Variants in IQGAP2 observed in about 807,000 individuals in gnomAD.
IQGAP2 encodes ras GTPase-activating-like protein IQGAP2.
In IQGAP2, 173 loss-of-function variants were observed where a neutral mutation model predicts 201.3. That is an observed-to-expected ratio of 0.86 (90% CI 0.76 to 0.98). The LOEUF (loss-of-function observed/expected upper bound fraction) is 0.98, where lower values mean the gene tolerates loss of function less well. Ranked by LOEUF, IQGAP2 falls within the 50% of genes least tolerant of loss-of-function variation. IQGAP2 has a pLI of 0.00. For synonymous variants in IQGAP2, 675 were observed against 673.9 expected (o/e 1.00, Z -0.03); for missense variants, 1,687 against 1,864.8 (o/e 0.90, Z 1.76).
At chr5:76,505,735 T>G (rs373243526) in intron 2 of IQGAP2, among the ~76,000 whole-genome samples, 3 of 152,186 alleles carry the variant, frequency 2.0e-5, no homozygotes, top group South Asian at 2.1e-4. Context: ...TTATTCAGTC[T>G]GCTTCAGCTC....
At chr5:76,436,960 A>G (rs1291351811) in intron 1 of IQGAP2, among the ~76,000 whole-genome samples, 1 of 152,010 alleles carries the variant, frequency 6.6e-6, no homozygotes, top group East Asian at 2.0e-4. Context: ...TATGTTAAAC[A>G]TACATTATAT....
chr5:76,645,010 C>A (rs531394600), intron 17 of IQGAP2, among the ~76,000 whole-genome samples: 11 of 152,254 alleles, frequency 7.2e-5, no homozygotes, highest in African/African-American at 2.6e-4. Context: ...GTTCCCCACC[C>A]CCTGACAAGC....
rs1172677175 is a variant in IQGAP2, at chr5:76,668,724, A to T, written c.2723A>T (p.Gln908Leu). ...GCTAAGCTGATTTTCCAGATGCCAC[A>T]GAACAAGTCCACTAAATTTATGGAT... ...YLAKLIFQMP[Q>L]NKSTKFMDTV... Residue 908 changes from glutamine to leucine, a missense_variant, in exon 23 of 36, where the codon CAG becomes CTG. Coordinates refer to ENST00000274364, the MANE Select transcript of IQGAP2 (RefSeq NM_006633.5). 1.2e-6 allele frequency: 2 copies of T among 1,612,446 alleles called. No homozygotes were observed. The highest frequency in any genetic ancestry group is 1.7e-6 in the Non-Finnish European group (2 of 1,179,300).
At position 76,701,177 on chromosome 5, in the gene IQGAP2, G is replaced by A; in HGVS notation, c.4469G>A (p.Gly1490Asp). The change falls in exon 34 of 36, where the codon GGT becomes GAT. Residue 1490 changes from glycine (G) to aspartate (D), a missense_variant. Transcript: ENST00000274364. Reference protein sequence around the residue: ...KYTAAKLHEKGVLLDIDDLQT... With the variant: ...KYTAAKLHEKDVLLDIDDLQT... ...ACTGCAGCAAAGCTGCATGAGAAAG[G>A]TGTCCTGCTAGATATAGATGATCTT... 1 of 1,614,208 alleles carries A rather than the reference G, an allele frequency of 6.2e-7. No individual in the cohort carries two copies. The highest frequency in any genetic ancestry group is 1.1e-5 in the South Asian group (1 of 91,086).
chr5:76,413,001 AC>A lies in IQGAP2; in HGVS notation c.46+9416del, dbSNP rs201254041. On this transcript the variant is annotated intron_variant, in intron 1 of 35. Transcript: ENST00000274364. ...AAAGGGCAGGGATGGTGATGGCAGA[AC>A]CCCCCTCATTACTGCTGCCCCTTGG... Among the ~76,000 whole-genome samples the A allele has an allele frequency of 6.9e-3, 1,047 of 151,574 alleles. 15 individuals carry two copies. The highest frequency in any genetic ancestry group is 0.024 in the African/African-American group (998 of 41,334).
At chr5:76,553,512 A>C (rs1743705489) in intron 2 of IQGAP2, among the ~76,000 whole-genome samples, 1 of 152,226 alleles carries the variant, frequency 6.6e-6, no homozygotes, top group African/African-American at 2.4e-5. Context: ...TCAGATAGCA[A>C]ATGCCTCCAC....
chr5:76,635,216 TG>T (rs1388322903), intron 15 of IQGAP2, among the ~76,000 whole-genome samples: 1 of 152,248 alleles, frequency 6.6e-6, no homozygotes, highest in African/African-American at 2.4e-5. Context: ...CTCCTAAACT[TG>T]CCTGCTTCTT....
intron 11 of IQGAP2, among the ~76,000 whole-genome samples, chr5:76,602,956 A>G (rs1747532342): frequency 6.6e-6 from 1 of 152,194 alleles, no homozygotes; most frequent in Non-Finnish European, 1.5e-5. Context: ...TCACAAAAGT[A>G]TTGTATGGGT....
In IQGAP2 at chr5:76,656,764, G is replaced by A. The variant is rs75404242; in HGVS notation, c.2321-1695G>A. The stretch of plus-strand genomic sequence containing the variant: ...AAAAGGTAAATAGAGAAACCATCTC[G>A]GTGAGTGAGTTAGATCTAAGCTTCT... On this transcript the variant is annotated intron_variant, in intron 20 of 35. Transcript: ENST00000274364. Among the ~76,000 whole-genome samples the A allele has an allele frequency of 8.2e-3, 1,241 of 151,704 alleles. 15 individuals are homozygous for A. The highest frequency in any genetic ancestry group is 0.028 in the African/African-American group (1,159 of 41,338).
chr5:76,641,180 CA>C, intron 17 of IQGAP2, 77 bp downstream of exon 17: 1 of 1,091,962 alleles, frequency 9.2e-7, no homozygotes, highest in Non-Finnish European at 1.3e-6. Context: ...ATAGAATAGT[CA>C]ACTACCAGCA....
chr5:76,553,317 A>C (rs1364318400), intron 2 of IQGAP2, among the ~76,000 whole-genome samples: 1 of 152,226 alleles, frequency 6.6e-6, no homozygotes, highest in Non-Finnish European at 1.5e-5. Flanking sequence ...TAAAATATTA[A>C]GGGAAAAATT....
intron 1 of IQGAP2, among the ~76,000 whole-genome samples, chr5:76,417,147 G>C (rs1751453912): frequency 6.6e-6 from 1 of 152,214 alleles, no homozygotes; most frequent in Admixed American, 6.5e-5. Context: ...TCAAGTGTGT[G>C]TGTGTGTCTA....
rs376582065 is a variant in IQGAP2 at position 76,474,049 on chromosome 5, C to T, written c.146+12380C>T. Among the ~76,000 whole-genome samples, 46 of 152,268 alleles carry T rather than the reference C, an allele frequency of 3.0e-4. 1 individual carries two copies. The South Asian group carries it at 9.1e-3, about 30-fold the overall frequency. Reference sequence around the variant, plus strand: ...TTTTAGGGTGATATAGAATGTAGAGCGATCTTCCATTGCCTTCTCAGTCTG... The same window carrying T: ...TTTTAGGGTGATATAGAATGTAGAGTGATCTTCCATTGCCTTCTCAGTCTG... On this transcript the variant is annotated intron_variant, in intron 2 of 35. Transcript: ENST00000274364.
chr5:76,605,632 T>C (rs1747751439), intron 11 of IQGAP2, among the ~76,000 whole-genome samples: 2 of 152,244 alleles, frequency 1.3e-5, no homozygotes, highest in South Asian at 4.1e-4. Context: ...TCAGCAAGGT[T>C]TCTGGAACTG....
At chr5:76,597,125 G>T in intron 9 of IQGAP2, 1 of 271,172 alleles carries the variant, frequency 3.7e-6, no homozygotes, top group Non-Finnish European at 7.1e-6. Flanking sequence ...CAATCTGAAG[G>T]CTTCAGGGAA....
intron 2 of IQGAP2, among the ~76,000 whole-genome samples, chr5:76,473,722 T>C (rs1175039497): frequency 6.6e-6 from 1 of 152,258 alleles, no homozygotes; most frequent in East Asian, 1.9e-4. Flanking sequence ...TGCATCTTTA[T>C]TCTTGGTTAG....
intron 2 of IQGAP2, among the ~76,000 whole-genome samples, chr5:76,515,193 C>T (rs894952389): frequency 6.6e-6 from 1 of 152,210 alleles, no homozygotes; most frequent in Non-Finnish European, 1.5e-5. Context: ...ACTTATCATG[C>T]TTCTTCACAT....
intron 2 of IQGAP2, among the ~76,000 whole-genome samples, chr5:76,506,136 C>T (rs1327408479): frequency 1.3e-5 from 2 of 152,152 alleles, no homozygotes; most frequent in Admixed American, 6.5e-5. Flanking sequence ...TTCTGTGATC[C>T]ACAAAAGCAC....
At chr5:76,432,125 C>CTTT (rs1465324418) in intron 1 of IQGAP2, among the ~76,000 whole-genome samples, 5 of 32,698 alleles carry the variant, frequency 1.5e-4, no homozygotes, top group Admixed American at 6.5e-4. Context: ...ATCTTTCTTT[C>CTTT]TTCTTTTTTT....
Sources: gnomAD v4.1 joint callset for allele counts (sites outside exome capture counted in the v4.1 genomes callset) on GRCh38, gnomAD v4.1.1 for gene constraint, MANE v1.5 for transcripts, NCBI Gene and HGNC (gene_info 2026-07-23, HGNC 2026-07-21) for gene names.